Variants in ZNF571 observed in about 807,000 individuals in gnomAD.
The protein encoded by ZNF571 is zinc finger protein 571.
A neutral mutation model predicts 7.7 loss-of-function variants in ZNF571; 4 were observed. The observed-to-expected ratio is 0.52, with a 90% CI of 0.25 to 1.18. The LOEUF (loss-of-function observed/expected upper bound fraction) is 1.18. Among genes scored for constraint, ZNF571 ranks in the 50% most tolerant of loss-of-function variants. ZNF571 has a pLI of 0.14. For missense variants in ZNF571, 704 were observed against 726.9 expected (o/e 0.97, Z 0.36); for synonymous variants, 251 against 232.4 (o/e 1.08, Z -0.73).
In ZNF571 at chr19:37,565,382, T is replaced by G. The variant is rs1006322983; in HGVS notation, c.1046A>C (p.Gln349Pro). ...ATGAATTCTCTGATGTTCATTCAGT[T>G]GGGAGGCACATAAAAAGGCTTTCCC... ...ECGKAFLCAS[Q>P]LNEHQRIHTG... Residue 349 changes from glutamine to proline, a missense_variant, in exon 4 of 4, where the codon CAA (glutamine) becomes CCA (proline). Physicochemically the swap from Gln to Pro is moderately conservative, Grantham distance 76. Coordinates refer to ENST00000451802, the MANE Select transcript of ZNF571 (RefSeq NM_016536.5). The G allele has an allele frequency of 6.2e-7, 1 of 1,613,752 alleles. No individual in the cohort carries two copies. Among genetic ancestry groups the G allele is most frequent in the African/African-American group, 1.3e-5 (1 of 74,898 alleles).
intron 1 of ZNF571, among the ~76,000 whole-genome samples, chr19:37,590,854 A>G (rs533772971): frequency 6.6e-6 from 1 of 152,358 alleles, no homozygotes; most frequent in Admixed American, 6.5e-5. Flanking sequence ...CCTTAAATAT[A>G]GCAAAACATA....
chr19:37,583,778 C>T (rs1460476347), intron 3 of ZNF571, 193 bp downstream of exon 3: 2 of 501,918 alleles, frequency 4.0e-6, no homozygotes, highest in Non-Finnish European at 3.5e-6. Context: ...AGAAGGGAGA[C>T]ACTGACAGGA....
chr19:37,584,383 C>A (rs967192550), intron 2 of ZNF571, among the ~76,000 whole-genome samples: 1 of 152,180 alleles, frequency 6.6e-6, no homozygotes, highest in Non-Finnish European at 1.5e-5. Flanking sequence ...TTCTTCACAA[C>A]AGGTTTTAAT....
chr19:37,572,112 C>T (rs1025587900), intron 3 of ZNF571, among the ~76,000 whole-genome samples: 2 of 151,982 alleles, frequency 1.3e-5, no homozygotes, highest in Non-Finnish European at 2.9e-5. Flanking sequence ...TGAGAAAATA[C>T]TCTCATATTT....
intron 3 of ZNF571, among the ~76,000 whole-genome samples, chr19:37,576,341 T>C (rs1009884556): frequency 4.6e-5 from 7 of 152,204 alleles, no homozygotes; most frequent in African/African-American, 1.7e-4. Flanking sequence ...GGTCCTGGCC[T>C]CTTTATTCAT....
intron 1 of ZNF571, 98 bp from the exon 2 acceptor site, chr19:37,586,843 G>GA (rs1375254336): frequency 6.9e-6 from 5 of 729,858 alleles, no homozygotes; most frequent in Non-Finnish European, 1.1e-5. Context: ...TGGGAATTTG[G>GA]AAAAAATCTC....
intron 3 of ZNF571, among the ~76,000 whole-genome samples, chr19:37,582,179 T>C (rs2043494309): frequency 6.6e-6 from 1 of 152,166 alleles, no homozygotes; most frequent in Admixed American, 6.5e-5. Context: ...TATTGTTGAC[T>C]TACTTCTTTC....
At chr19:37,567,020 T>TA (rs1206049332) in intron 3 of ZNF571, among the ~76,000 whole-genome samples, 1 of 152,148 alleles carries the variant, frequency 6.6e-6, no homozygotes, top group Admixed American at 6.5e-5. Flanking sequence ...TCCTTGGTGT[T>TA]AAAAAAGTGT....
chr19:37,593,601 G>A (rs2043931148), intron 1 of ZNF571, among the ~76,000 whole-genome samples: 1 of 152,154 alleles, frequency 6.6e-6, no homozygotes, highest in South Asian at 2.1e-4. Flanking sequence ...TACTCGGGAG[G>A]CTTAGGCAGG....
At chr19:37,572,140 G>A (rs967681452) in intron 3 of ZNF571, among the ~76,000 whole-genome samples, 10 of 152,146 alleles carry the variant, frequency 6.6e-5, no homozygotes, top group Non-Finnish European at 1.3e-4. Flanking sequence ...TCCTACTTCT[G>A]TTACCCCTAT....
At position 37,564,705 on chromosome 19, in the gene ZNF571, G is replaced by C. The variant is rs907908562; in HGVS notation, c.1723C>G (p.Leu575Val). Reference protein sequence around the residue: ...RAFSRGSELTLHQRIHTGEKP... With the variant: ...RAFSRGSELTVHQRIHTGEKP... The stretch of plus-strand genomic sequence containing the variant: ...TCACCAGTATGGATCCTTTGATGCA[G>C]AGTAAGTTCTGAGCCACGACTAAAG... Residue 575 changes from leucine to valine, a missense_variant, in exon 4 of 4, where the codon CTG (leucine) becomes GTG (valine). Physicochemically the swap from Leu to Val is conservative, Grantham distance 32. Coordinates refer to ENST00000451802, the MANE Select transcript of ZNF571 (RefSeq NM_016536.5). 3 of 1,613,464 alleles carry C rather than the reference G, an allele frequency of 1.9e-6. No individual in the cohort carries two copies. The African/African-American group carries it at 4.0e-5, about 22-fold the overall frequency.
intron 1 of ZNF571, 63 bp from the exon 2 acceptor site, chr19:37,586,808 A>G: frequency 1.1e-6 from 1 of 926,044 alleles, no homozygotes; most frequent in Non-Finnish European, 1.7e-6. Context: ...TAAACTACTT[A>G]GAACTACCTT....
In ZNF571 at chr19:37,564,436, G is replaced by A. The variant is rs1284481147; in HGVS notation, c.*162C>T. On this transcript the variant is annotated 3_prime_UTR_variant, in exon 4 of 4. Transcript: ENST00000451802. ...ATTATATTCTAGCGTTTATAGAGATGTTAAGGAATTATTTAAGGGGTTTCT... is the reference window on the plus strand; with the variant it reads ...ATTATATTCTAGCGTTTATAGAGATATTAAGGAATTATTTAAGGGGTTTCT... The A allele has an allele frequency of 1.9e-5, 10 of 513,146 alleles. No individual in the cohort carries two copies. Among genetic ancestry groups the A allele is most frequent in the Admixed American group, 3.8e-5 (1 of 26,532 alleles). 31.8% of individuals were successfully genotyped at this position (513,146 alleles called of 1,614,324 possible).
At position 37,565,915 on chromosome 19, in the gene ZNF571, TTTC is replaced by T. The variant is rs758208030; in HGVS notation, c.510_512del (p.Lys171del). ...GCTTTTTGCTAAAGGTATTCCTGTGTTTCTTAACTTCAGAGCATTTTTCTATAT... is the reference window on the plus strand; with the variant it reads ...GCTTTTTGCTAAAGGTATTCCTGTGTTTAACTTCAGAGCATTTTTCTATAT... On this transcript the variant is annotated inframe_deletion, in exon 4 of 4. Coordinates refer to ENST00000451802, the MANE Select transcript of ZNF571 (RefSeq NM_016536.5). 9.3e-6 allele frequency: 15 copies of T among 1,613,794 alleles called. No individual in the cohort carries two copies. The Admixed American group carries it at 1.3e-4, about 14-fold the overall frequency.
intron 2 of ZNF571, 66 bp downstream of exon 2, chr19:37,586,602 A>G (rs2043681722): frequency 2.5e-6 from 4 of 1,587,646 alleles, no homozygotes; most frequent in Admixed American, 1.7e-5. Context: ...ATTCTGGGAT[A>G]AATCTGGTGT....
chr19:37,587,596 T>A (rs2147206246), intron 1 of ZNF571, among the ~76,000 whole-genome samples: 1 of 152,146 alleles, frequency 6.6e-6, no homozygotes, highest in South Asian at 2.1e-4. Flanking sequence ...ACTGATCTTT[T>A]TTTTTTTTTT....
chr19:37,581,428 A>G (rs112370151), intron 3 of ZNF571, among the ~76,000 whole-genome samples: 3 of 142,562 alleles, frequency 2.1e-5, no homozygotes, highest in Non-Finnish European at 3.1e-5. Flanking sequence ...CCTTTATACC[A>G]CCCCTCCAGC....
chr19:37,574,364 A>C (rs2043172581), intron 3 of ZNF571, among the ~76,000 whole-genome samples: 1 of 152,180 alleles, frequency 6.6e-6, no homozygotes, highest in Non-Finnish European at 1.5e-5. Context: ...TCAAATCAAC[A>C]AAAACAGCCC....
At chr19:37,579,486 T>C (rs984808088) in intron 3 of ZNF571, among the ~76,000 whole-genome samples, 11 of 152,168 alleles carry the variant, frequency 7.2e-5, no homozygotes, top group Non-Finnish European at 1.5e-4. Context: ...CCTTAACCAA[T>C]GGGGAAAGGA....
Sources: allele counts gnomAD v4.1 joint callset (sites outside exome capture counted in the v4.1 genomes callset), GRCh38; gene constraint gnomAD v4.1.1; transcripts MANE v1.5; gene names NCBI Gene and HGNC (gene_info 2026-07-23, HGNC 2026-07-21).